Variants in CFAP92 observed in about 807,000 individuals in gnomAD.
The protein encoded by CFAP92 is cilia and flagella associated protein 92 (putative).
A neutral mutation model predicts 106.3 loss-of-function variants in CFAP92; 86 were observed. The ratio of observed to expected loss-of-function variants is 0.81; its 90% CI spans 0.68 to 0.97. CFAP92 has a LOEUF of 0.97. Ranked by LOEUF, CFAP92 falls within the 50% of genes least tolerant of loss-of-function variation. The probability of loss-of-function intolerance (pLI) is 0.00; values close to 1 mark genes in which losing one functional copy is unlikely to be tolerated. For missense variants in CFAP92, 1,204 were observed against 1,283.8 expected, an observed-to-expected ratio of 0.94 and a Z score of 0.95; for synonymous variants, 477 against 506.4, an observed-to-expected ratio of 0.94 and a Z score of 0.78.
Position 128,913,765 on chromosome 3 carries a change from C to T in CFAP92, c.3280+1354G>A, listed in dbSNP as rs534653679. ...GGGGAAAGTTTGTAAATATTGTGAC[C>T]GTGTAAATAACCTCTCAGTGAAACC... is the stretch of plus-strand genomic sequence containing the variant. On this transcript the variant is annotated intron_variant, in intron 15 of 15. Transcript: ENST00000645291. Among the ~76,000 whole-genome samples the T allele has an allele frequency of 7.9e-5, 12 of 152,170 alleles. No individual in the cohort carries two copies. The South Asian group carries it at 8.3e-4, about 11-fold the overall frequency.
chr3:128,945,733 AG>A lies in CFAP92; in HGVS notation c.1595del (p.Pro532LeufsTer49). 1 of 1,535,966 alleles carries A rather than the reference AG, an allele frequency of 6.5e-7. No individual in the cohort carries two copies. Among genetic ancestry groups the A allele is most frequent in the Non-Finnish European group, 8.7e-7 (1 of 1,146,834 alleles). The part of the protein sequence containing the change: ...SQKPVLFGED[P>X]LDSYLNFQAL... ...CCTGGAAGTTGAGGTATGAATCCAG[AG>A]GGTCCTCCCCAAACAGCACGGGCTT... On this transcript the variant is annotated frameshift_variant, in exon 10 of 16. Transcript: ENST00000645291. LOFTEE classifies it high-confidence loss of function.
chr3:128,940,051 G>A (rs887495555), intron 10 of CFAP92, among the ~76,000 whole-genome samples: 4 of 152,100 alleles, frequency 2.6e-5, no homozygotes, highest in South Asian at 2.1e-4. Context: ...ATTGAATCAC[G>A]TCATATGTGA....
chr3:129,003,677 GA>G (rs1286632648), upstream of CFAP92: 3 of 1,049,006 alleles, frequency 2.9e-6, no homozygotes, highest in Admixed American at 9.4e-5. Context: ...GACGGCGCAA[GA>G]AACGTGCTCA....
intron 4 of CFAP92, among the ~76,000 whole-genome samples, chr3:128,981,679 C>T (rs1318857728): frequency 6.6e-6 from 1 of 152,144 alleles, no homozygotes; most frequent in East Asian, 1.9e-4. Context: ...AAAGGAATCA[C>T]TATCTATGGA....
At chr3:128,954,981 CT>C (rs1359550526) in intron 9 of CFAP92, among the ~76,000 whole-genome samples, 1 of 41,970 alleles carries the variant, frequency 2.4e-5, no homozygotes, top group Non-Finnish European at 3.8e-5. Context: ...GTCAGCCCCC[CT>C]GCCCGGCCAG....
At chr3:128,937,312 CAA>C (rs34884891) in intron 10 of CFAP92, among the ~76,000 whole-genome samples, 82 of 85,252 alleles carry the variant, frequency 9.6e-4, no homozygotes, top group Middle Eastern at 6.3e-3. Flanking sequence ...GACCCTGTCT[CAA>C]AAAAAAAAAA....
Position 128,945,282 on chromosome 3 carries a change from T to A in CFAP92, c.2047A>T (p.Ile683Phe). ...TCCAGGCCGAGGGCCTTAGCGTTGA[T>A]CATGGTGATGTCCTGCAGCAGGCTG... Reference protein sequence around the residue: ...LHSLLQDITMINAKALGLDSY... With the variant: ...LHSLLQDITMFNAKALGLDSY... The change falls in exon 10 of 16, where the codon ATC becomes TTC. Residue 683 changes from isoleucine (I) to phenylalanine (F), a missense_variant. Transcript: ENST00000645291. 7 of 1,536,146 alleles carry A rather than the reference T, an allele frequency of 4.6e-6. No individual in the cohort carries two copies. The highest frequency in any genetic ancestry group is 6.1e-6 in the Non-Finnish European group (7 of 1,146,904).
chr3:128,951,898 C>G (rs1291433104), intron 9 of CFAP92, among the ~76,000 whole-genome samples: 1 of 152,042 alleles, frequency 6.6e-6, no homozygotes, highest in Non-Finnish European at 1.5e-5. Flanking sequence ...AGGACTTTCC[C>G]CAACCCTCAA....
At chr3:129,007,003 A>C (rs1328090121), upstream of CFAP92, among the ~76,000 whole-genome samples, 1 of 152,242 alleles carries the variant, frequency 6.6e-6, no homozygotes, top group Non-Finnish European at 1.5e-5. Flanking sequence ...CTAAAAGAAA[A>C]GTGTTACTGT....
chr3:128,953,630 C>T (rs1195729989), intron 9 of CFAP92, among the ~76,000 whole-genome samples: 1 of 129,588 alleles, frequency 7.7e-6, no homozygotes, highest in Admixed American at 7.3e-5. Context: ...CCTCCCTCTC[C>T]GTCTCCCTCT....
At chr3:128,953,155 T>C (rs1940978267) in intron 9 of CFAP92, among the ~76,000 whole-genome samples, 1 of 152,084 alleles carries the variant, frequency 6.6e-6, no homozygotes, top group Admixed American at 6.5e-5. Context: ...ATAGATGGAC[T>C]CAATGCAGAA....
rs1166589705 is a variant in CFAP92, at chr3:128,945,361, G to A, written c.1968C>T (p.Ser656=). 5.2e-6 allele frequency: 8 copies of A among 1,536,012 alleles called. No individual in the cohort carries two copies. In the Admixed American group the frequency reaches 9.8e-5, roughly 19 times the overall value. ...ARAADPDLGG[S]QFGRIIFVFD... Reference sequence around the variant, plus strand: ...AGACGAAGATGATGCGGCCAAACTGGGAGCCCCCAAGGTCAGGATCAGCAG... The same window carrying A: ...AGACGAAGATGATGCGGCCAAACTGAGAGCCCCCAAGGTCAGGATCAGCAG... The change falls in exon 10 of 16, where the codon TCC becomes TCT. Residue 656 remains serine, a synonymous_variant. Transcript: ENST00000645291.
At chr3:128,948,139 T>C (rs998444693) in intron 9 of CFAP92, among the ~76,000 whole-genome samples, 1 of 152,020 alleles carries the variant, frequency 6.6e-6, no homozygotes, top group Non-Finnish European at 1.5e-5. Flanking sequence ...TAGCAAATAA[T>C]ATATCCAACA....
At chr3:128,979,947 A>T (rs1216609688) in intron 4 of CFAP92, among the ~76,000 whole-genome samples, 16 of 128,298 alleles carry the variant, frequency 1.2e-4, no homozygotes, top group African/African-American at 3.0e-4. Context: ...AAAGTATAAT[A>T]ATATATATAT....
At chr3:128,914,184 G>A (rs2107675482) in intron 15 of CFAP92, among the ~76,000 whole-genome samples, 1 of 152,320 alleles carries the variant, frequency 6.6e-6, no homozygotes, top group East Asian at 1.9e-4. Context: ...GGCTGGCAGT[G>A]GAGCTCACTA....
At chr3:129,014,863 A>G in the CFAP92 span, among the ~76,000 whole-genome samples, 4 of 152,136 alleles carry the variant, frequency 2.6e-5, no homozygotes, top group East Asian at 1.9e-4. The surrounding 1 kb of genome is among the most constrained non-coding windows in gnomAD (Gnocchi z 4.3). Flanking sequence ...AGGAGGGGCC[A>G]GTGAGGAGGA....
intron 10 of CFAP92, among the ~76,000 whole-genome samples, chr3:128,937,069 G>A (rs573752430): frequency 6.6e-6 from 1 of 152,202 alleles, no homozygotes; most frequent in African/African-American, 2.4e-5. Context: ...GGGAGGTCGA[G>A]GTGGGCAGGT....
upstream of CFAP92, chr3:129,003,726 GGC>G: frequency 7.9e-7 from 1 of 1,269,702 alleles, no homozygotes; most frequent in Non-Finnish European, 1.0e-6. Context: ...CCGCCGTCGT[GGC>G]GGGCGTTCGT....
At chr3:128,941,052 G>GT (rs1199331085) in intron 10 of CFAP92, among the ~76,000 whole-genome samples, 1 of 152,064 alleles carries the variant, frequency 6.6e-6, no homozygotes, top group Non-Finnish European at 1.5e-5. Context: ...CATGAACATG[G>GT]TATCTCTCTC....
Sources: gnomAD v4.1 joint callset for allele counts (sites outside exome capture counted in the v4.1 genomes callset) on GRCh38, gnomAD v4.1.1 for gene constraint, Gnocchi (gnomAD v3.1) non-coding constraint, MANE v1.5 for transcripts, NCBI Gene and HGNC (gene_info 2026-07-23, HGNC 2026-07-21) for gene names.